Variants in ERC2 observed in about 807,000 individuals in gnomAD.
ERC2 encodes ERC protein 2.
In ERC2, 42 loss-of-function variants were observed where a neutral mutation model predicts 114.8. The ratio of observed to expected loss-of-function variants is 0.37; its 90% CI spans 0.29 to 0.47. The LOEUF (loss-of-function observed/expected upper bound fraction) is 0.47. Among genes scored for constraint, ERC2 ranks in the 20% least tolerant of loss-of-function variants. The probability of loss-of-function intolerance (pLI) is 0.99; values close to 1 mark genes in which losing one functional copy is unlikely to be tolerated. For synonymous variants in ERC2, 454 were observed against 425.5 expected, an observed-to-expected ratio of 1.07 and a Z score of -0.82; for missense variants, 939 against 1,150.7, an observed-to-expected ratio of 0.82 and a Z score of 2.66.
At chr3:56,194,797 G>C (rs2150078129) in intron 3 of ERC2, among the ~76,000 whole-genome samples, 1 of 152,188 alleles carries the variant, frequency 6.6e-6, no homozygotes, top group Middle Eastern at 3.4e-3. Flanking sequence ...TCATTATGCA[G>C]TGCATGACAG....
At chr3:56,039,254 A>G (rs1443475980) in intron 7 of ERC2, among the ~76,000 whole-genome samples, 1 of 152,230 alleles carries the variant, frequency 6.6e-6, no homozygotes, top group Admixed American at 6.5e-5. Flanking sequence ...AAAACCCTAA[A>G]GACTCCAGTA....
At chr3:55,761,910 T>TTC (rs1189787764) in intron 14 of ERC2, among the ~76,000 whole-genome samples, 1 of 147,432 alleles carries the variant, frequency 6.8e-6, no homozygotes, top group Non-Finnish European at 1.5e-5. Context: ...TGGCTTTCTT[T>TTC]TCTCTCTCTC....
At chr3:55,582,856 A>G (rs898517582) in intron 17 of ERC2, among the ~76,000 whole-genome samples, 8 of 152,202 alleles carry the variant, frequency 5.3e-5, no homozygotes, top group African/African-American at 1.9e-4. Flanking sequence ...GATCAACTCA[A>G]TGTACTGCAT....
intron 7 of ERC2, among the ~76,000 whole-genome samples, chr3:56,069,717 C>T (rs950099128): frequency 6.6e-6 from 1 of 152,156 alleles, no homozygotes; most frequent in African/African-American, 2.4e-5. Context: ...ATTGTATTAT[C>T]TAAGGACTGA....
At chr3:55,808,710 T>C (rs1291962319) in intron 14 of ERC2, among the ~76,000 whole-genome samples, 3 of 77,154 alleles carry the variant, frequency 3.9e-5, no homozygotes, top group African/African-American at 6.2e-5. Context: ...TTTATATATA[T>C]ATATATATAT....
intron 6 of ERC2, among the ~76,000 whole-genome samples, chr3:56,094,006 A>T (rs1271132812): frequency 6.6e-6 from 1 of 152,174 alleles, no homozygotes; most frequent in Non-Finnish European, 1.5e-5. Context: ...TAGCATACTA[A>T]AGGTTCTGAA....
chr3:56,433,963 G>C, intron 2 of ERC2: 1 of 186,566 alleles, frequency 5.4e-6, no homozygotes, highest in Non-Finnish European at 1.1e-5. Context: ...CCCACTAAAT[G>C]TTGCTCTTAA....
chr3:56,391,435 A>G (rs978927643), intron 2 of ERC2, among the ~76,000 whole-genome samples: 1 of 152,202 alleles, frequency 6.6e-6, no homozygotes, highest in Non-Finnish European at 1.5e-5. Flanking sequence ...TCTCACATCA[A>G]CTATGAGGTA....
At position 55,623,660 on chromosome 3, in the gene ERC2, T is replaced by G. The variant is rs554405330; in HGVS notation, c.*39+60134A>C. Among the ~76,000 whole-genome samples, 147 of 152,226 alleles carry G rather than the reference T, an allele frequency of 9.7e-4. 1 individual carries two copies. The highest frequency in any genetic ancestry group is 1.7e-3 in the South Asian group (8 of 4,820). On this transcript the variant is annotated intron_variant, in intron 17 of 17. Coordinates refer to ENST00000288221, the MANE Select transcript of ERC2 (RefSeq NM_015576.3). ...CTAACTGTCCTTCCCACCAAACTAT[T>G]CACCCTGCCACTCTGGTTCATACCC...
intron 10 of ERC2, chr3:56,003,243 G>T: frequency 2.8e-6 from 2 of 721,600 alleles, no homozygotes; most frequent in Non-Finnish European, 3.8e-6. Flanking sequence ...AGACGAGTTG[G>T]TTGTTAAAAA....
chr3:55,873,667 A>G (rs2062692877), intron 14 of ERC2, among the ~76,000 whole-genome samples: 1 of 152,196 alleles, frequency 6.6e-6, no homozygotes, highest in South Asian at 2.1e-4. Flanking sequence ...TCTATGCTCC[A>G]GTCACACAGG....
In ERC2 at chr3:56,007,650, C is replaced by G. The variant is rs550313223; in HGVS notation, c.1921-329G>C. Among the ~76,000 whole-genome samples, 144 of 152,044 alleles carry G rather than the reference C, an allele frequency of 9.5e-4. 1 individual carries two copies. The highest frequency in any genetic ancestry group is 6.6e-4 in the Non-Finnish European group (45 of 67,974). On this transcript the variant is annotated intron_variant, in intron 9 of 17. Coordinates refer to ENST00000288221, the MANE Select transcript of ERC2 (RefSeq NM_015576.3). ...TAGCAAAACAGACACCCTGAACCTT[C>G]CGTTTACATTTATTGCTGTCAGACT...
At chr3:56,270,020 G>C (rs2053558469) in intron 3 of ERC2, among the ~76,000 whole-genome samples, 1 of 152,054 alleles carries the variant, frequency 6.6e-6, no homozygotes, top group African/African-American at 2.4e-5. Flanking sequence ...ACAAACAGCA[G>C]ATGTCCAGAA....
intron 2 of ERC2, among the ~76,000 whole-genome samples, chr3:56,375,994 C>A (rs1435865152): frequency 6.6e-6 from 1 of 152,138 alleles, no homozygotes; most frequent in African/African-American, 2.4e-5. Context: ...CAATAGCCCA[C>A]AAGGAACTGA....
At position 56,434,950 on chromosome 3, in the gene ERC2, G is replaced by A. The variant is rs1179015750; in HGVS notation, c.58C>T (p.Arg20Cys). ...NLEGSPSRSP[R>C]LPRSPRLGHR... ...CCCAAACGAGGAGACCTTGGCAAAC[G>A]AGGGGATCTGGAAGGGCTACCTTCC... Residue 20 changes from arginine (R) to cysteine (C), a missense_variant, in exon 2 of 18, where the codon CGT (arginine) becomes TGT (cysteine). This residue lies in a region of ERC2 where 281 missense variants were observed against 307.4 expected (regional missense o/e 0.91). Coordinates refer to ENST00000288221, the MANE Select transcript of ERC2 (RefSeq NM_015576.3). 5.0e-6 allele frequency: 8 copies of A among 1,613,552 alleles called. No individual in the cohort carries two copies. The highest frequency in any genetic ancestry group is 1.7e-5 in the Admixed American group (1 of 59,998).
In ERC2 at chr3:56,436,443, T is replaced by A. The variant is rs550906230; in HGVS notation, c.-140-1296A>T. Among the ~76,000 whole-genome samples the A allele has an allele frequency of 5.9e-5, 9 of 152,230 alleles. No individual in the cohort carries two copies. In the South Asian group the frequency reaches 1.9e-3, roughly 32 times the overall value. ...GTACATTAATAGCAGTATACATGGG[T>A]ATCTTTTATTTTCACCTGCCTATCA... On this transcript the variant is annotated intron_variant, in intron 1 of 17. Transcript: ENST00000288221.
chr3:56,221,393 C>CAA (rs2049900302), intron 3 of ERC2, among the ~76,000 whole-genome samples: 1 of 114,978 alleles, frequency 8.7e-6, no homozygotes, highest in Non-Finnish European at 2.0e-5. Flanking sequence ...TGTCATCTCA[C>CAA]CAAAAAAAAA....
Position 56,237,463 on chromosome 3 carries a change from C to T in ERC2, c.1074+58556G>A, listed in dbSNP as rs534892572. ...GCATATGTGAAATTGAGAAAGGACA[C>T]GTTTTCCTTTTCCTGGGCAGGTTTT... On this transcript the variant is annotated intron_variant, in intron 3 of 17. Coordinates refer to ENST00000288221, the MANE Select transcript of ERC2 (RefSeq NM_015576.3). 7.7e-4 allele frequency among the ~76,000 whole-genome samples: 118 copies of T among 152,272 alleles called. 1 individual carries two copies. Among genetic ancestry groups the T allele is most frequent in the East Asian group, 1.2e-3 (6 of 5,190 alleles).
chr3:56,096,466 C>T (rs1246713554), intron 6 of ERC2, among the ~76,000 whole-genome samples: 4 of 152,026 alleles, frequency 2.6e-5, no homozygotes, highest in Non-Finnish European at 5.9e-5. Flanking sequence ...AATATCTGAA[C>T]AGCATAAATA....
Sources: allele counts gnomAD v4.1 joint callset (sites outside exome capture counted in the v4.1 genomes callset), GRCh38; gene constraint gnomAD v4.1.1; regional missense constraint gnomAD v4.1.1; transcripts MANE v1.5; gene names NCBI Gene and HGNC (gene_info 2026-07-23, HGNC 2026-07-21).